HS3ST5: variants seen among roughly 807,000 people sequenced by gnomAD.
HS3ST5 encodes heparan sulfate glucosamine 3-O-sulfotransferase 5.
A neutral mutation model predicts 25.4 loss-of-function variants in HS3ST5; 10 were observed. The ratio of observed to expected loss-of-function variants is 0.39; its 90% CI spans 0.24 to 0.67. The LOEUF (loss-of-function observed/expected upper bound fraction) is 0.67. Among genes scored for constraint, HS3ST5 ranks in the 30% least tolerant of loss-of-function variants. The probability of loss-of-function intolerance (pLI) is 0.44; values close to 1 mark genes in which losing one functional copy is unlikely to be tolerated. For missense variants in HS3ST5, 324 were observed against 420.7 expected (o/e 0.77, Z 2.01); for synonymous variants, 170 against 162.4 (o/e 1.05, Z -0.36).
intron 3 of HS3ST5, among the ~76,000 whole-genome samples, chr6:114,133,278 G>A (rs975072988): frequency 1.3e-5 from 2 of 152,146 alleles, no homozygotes; most frequent in African/African-American, 4.8e-5. Flanking sequence ...ACCTGAGCCT[G>A]CCTCCACGAA....
intron 1 of HS3ST5, among the ~76,000 whole-genome samples, chr6:114,272,642 G>A (rs1042611382): frequency 5.3e-5 from 8 of 152,050 alleles, no homozygotes; most frequent in African/African-American, 1.9e-4. Flanking sequence ...AGTTCTCCCT[G>A]AGCCCAGCCT....
At chr6:114,234,308 A>AAT (rs1044364533) in intron 1 of HS3ST5, among the ~76,000 whole-genome samples, 1 of 148,422 alleles carries the variant, frequency 6.7e-6, no homozygotes, top group African/African-American at 2.4e-5. Flanking sequence ...TAGTAAAATT[A>AAT]ATATATATAA....
chr6:114,168,844 G>A (rs1183832345), intron 2 of HS3ST5, among the ~76,000 whole-genome samples: 1 of 152,118 alleles, frequency 6.6e-6, no homozygotes, highest in East Asian at 1.9e-4. Context: ...CCTTTAAAAT[G>A]TTATGTATTG....
At chr6:114,193,609 A>C (rs1291527298) in intron 2 of HS3ST5, among the ~76,000 whole-genome samples, 1 of 152,204 alleles carries the variant, frequency 6.6e-6, no homozygotes, top group African/African-American at 2.4e-5. Context: ...TATCTATATA[A>C]TAGGAAAAGA....
At chr6:114,295,931 G>A (rs779024956) in intron 1 of HS3ST5, among the ~76,000 whole-genome samples, 26 of 152,100 alleles carry the variant, frequency 1.7e-4, no homozygotes, top group Non-Finnish European at 2.6e-4. Context: ...TATGTCCCAC[G>A]GGTTTCTACT....
chr6:114,235,240 T>TA (rs1386463035), intron 1 of HS3ST5, among the ~76,000 whole-genome samples: 2 of 152,172 alleles, frequency 1.3e-5, no homozygotes, highest in African/African-American at 4.8e-5. Context: ...CATAAAATGG[T>TA]AAAAAGCTTT....
At chr6:114,220,835 G>A (rs149711860) in intron 2 of HS3ST5, 1 of 151,924 alleles carries the variant, frequency 6.6e-6, no homozygotes, top group African/African-American at 2.4e-5. Flanking sequence ...GTGCTGAAGA[G>A]GTTTTTAAAC....
chr6:114,222,989 T>G (rs1385432476), intron 2 of HS3ST5, among the ~76,000 whole-genome samples: 1 of 151,770 alleles, frequency 6.6e-6, no homozygotes, highest in Admixed American at 6.6e-5. Context: ...GGTTGAGATC[T>G]AGTAGAAGGA....
chr6:114,275,223 C>A (rs1355864430), intron 1 of HS3ST5, among the ~76,000 whole-genome samples: 1 of 151,744 alleles, frequency 6.6e-6, no homozygotes, highest in Non-Finnish European at 1.5e-5. Flanking sequence ...GAGTCATCTT[C>A]ATGCTCCTTA....
At chr6:114,193,521 G>A (rs943954807) in intron 2 of HS3ST5, among the ~76,000 whole-genome samples, 1 of 152,122 alleles carries the variant, frequency 6.6e-6, no homozygotes, top group Non-Finnish European at 1.5e-5. Context: ...CTAAACTTTG[G>A]CATCATTCTC....
At chr6:114,064,488 G>T (rs78167810) in intron 3 of HS3ST5, among the ~76,000 whole-genome samples, 2,593 of 152,228 alleles carry the variant, frequency 0.017, 58 homozygotes, top group African/African-American at 0.058. Context: ...AAATTTTTTT[G>T]TGTGTGTGGA....
chr6:114,242,830 G>A (rs370183316), intron 1 of HS3ST5, among the ~76,000 whole-genome samples: 11 of 149,310 alleles, frequency 7.4e-5, no homozygotes, highest in East Asian at 5.9e-4. Flanking sequence ...TCCGCAGTCC[G>A]GCCTGGGCGA....
chr6:114,235,850 T>C (rs763116104), intron 1 of HS3ST5: 3 of 152,234 alleles, frequency 2.0e-5, no homozygotes, highest in Non-Finnish European at 4.4e-5. Flanking sequence ...CAATCATCCA[T>C]GTTTACTGAT....
At chr6:114,329,947 A>G (rs1051721106) in intron 1 of HS3ST5, among the ~76,000 whole-genome samples, 3 of 152,226 alleles carry the variant, frequency 2.0e-5, no homozygotes, top group African/African-American at 4.8e-5. Flanking sequence ...GACAAAAAGT[A>G]GAACTACTTA....
intron 3 of HS3ST5, among the ~76,000 whole-genome samples, chr6:114,071,882 A>G (rs1164035503): frequency 2.0e-5 from 3 of 152,162 alleles, no homozygotes; most frequent in African/African-American, 4.8e-5. Flanking sequence ...CTTTTATGGA[A>G]CCATTAAAAA....
At chr6:114,139,371 C>T (rs930911477) in intron 3 of HS3ST5, among the ~76,000 whole-genome samples, 2 of 149,972 alleles carry the variant, frequency 1.3e-5, no homozygotes, top group African/African-American at 4.9e-5. Context: ...TACACTCTCG[C>T]AAATGACATT....
intron 1 of HS3ST5, among the ~76,000 whole-genome samples, chr6:114,265,984 A>G (rs950477457): frequency 1.3e-5 from 2 of 152,114 alleles, no homozygotes; most frequent in Admixed American, 6.5e-5. Context: ...TTGAAACCTA[A>G]TTCCAACCTC....
chr6:114,293,239 C>A (rs1327400565), intron 1 of HS3ST5, among the ~76,000 whole-genome samples: 1 of 152,048 alleles, frequency 6.6e-6, no homozygotes, highest in Non-Finnish European at 1.5e-5. Context: ...CAGCCTAGGG[C>A]TCAGAGCAGG....
chr6:114,199,704 C>A (rs1332420424), intron 2 of HS3ST5, among the ~76,000 whole-genome samples: 2 of 152,076 alleles, frequency 1.3e-5, no homozygotes, highest in Non-Finnish European at 2.9e-5. Context: ...ATAATAAATA[C>A]TTCTTTTTAA....
Sources: allele counts gnomAD v4.1 joint callset (sites outside exome capture counted in the v4.1 genomes callset), GRCh38; gene constraint gnomAD v4.1.1; transcripts MANE v1.5; gene names NCBI Gene and HGNC (gene_info 2026-07-23, HGNC 2026-07-21).